FRMD5: variants seen among roughly 807,000 people sequenced by gnomAD.
FRMD5 encodes FERM domain-containing protein 5.
In FRMD5, 20 loss-of-function variants were observed where a neutral mutation model predicts 69.0. That is an observed-to-expected ratio of 0.29 (90% confidence interval 0.20 to 0.42). FRMD5 has a LOEUF of 0.42. Among genes scored for constraint, FRMD5 ranks in the 10% least tolerant of loss-of-function variants. The pLI is 1.00. For synonymous variants in FRMD5, 271 were observed against 260.1 expected (o/e 1.04, Z -0.40); for missense variants, 595 against 708.6 (o/e 0.84, Z 1.82).
At chr15:44,017,955 A>AT (rs1893376200) in intron 1 of FRMD5, among the ~76,000 whole-genome samples, 1 of 152,084 alleles carries the variant, frequency 6.6e-6, no homozygotes, top group Non-Finnish European at 1.5e-5. Context: ...ACAAGAGCTA[A>AT]TTTTTTATAT....
rs2088151168 is a variant in FRMD5, at chr15:43,871,176, G to A, written c.*2709C>T. The A allele has an allele frequency of 1.3e-5, 2 of 152,132 alleles. No individual in the cohort carries two copies. Among genetic ancestry groups the A allele is most frequent in the African/African-American group, 4.8e-5 (2 of 41,422 alleles). 9.4% of individuals were successfully genotyped at this position (152,132 alleles called of 1,614,324 possible). ...AAAAGACTAGTCACCAATCAAAGGA[G>A]GTTTATTATTCAAGCACTATTTGAA... is the stretch of plus-strand genomic sequence containing the variant. On this transcript the variant is annotated 3_prime_UTR_variant, in exon 14 of 14. Transcript: ENST00000417257.
At chr15:43,943,687 C>T (rs775866572) in intron 1 of FRMD5, among the ~76,000 whole-genome samples, 26 of 152,206 alleles carry the variant, frequency 1.7e-4, no homozygotes, top group Non-Finnish European at 2.8e-4. Context: ...GATGTAGTAA[C>T]AAGCAAGGAA....
intron 1 of FRMD5, among the ~76,000 whole-genome samples, chr15:43,970,095 C>T (rs942668269): frequency 7.2e-5 from 11 of 152,186 alleles, no homozygotes; most frequent in Non-Finnish European, 1.6e-4. Context: ...TTTTCTTCAA[C>T]TACTATATTG....
intron 9 of FRMD5, 112 bp downstream of exon 9, chr15:43,888,697 G>T: frequency 1.2e-6 from 1 of 859,744 alleles, no homozygotes. Flanking sequence ...CTTGGTCTTG[G>T]CTTAGTATGT....
chr15:44,095,680 G>A (rs1017831445), intron 1 of FRMD5, among the ~76,000 whole-genome samples: 1 of 152,054 alleles, frequency 6.6e-6, no homozygotes, highest in Admixed American at 6.6e-5. Flanking sequence ...TGTACCCCCT[G>A]CAGCAGGATT....
At chr15:44,196,670 G>A (rs558257107), upstream of FRMD5, among the ~76,000 whole-genome samples, 2 of 144,012 alleles carry the variant, frequency 1.4e-5, no homozygotes, top group African/African-American at 5.1e-5. Flanking sequence ...AGTGTCTTTG[G>A]ATTCCAATAT....
Position 43,873,670 on chromosome 15 carries a change from C to A in FRMD5, c.*215G>T, listed in dbSNP as rs1317222703. On this transcript the variant is annotated 3_prime_UTR_variant, in exon 14 of 14. Transcript: ENST00000417257. Reference sequence around the variant, plus strand: ...CGCTGAGCCTTTCTTGAAATAACTTCTGAAGAAAATGAGTTTTCCCAGTTT... The same window carrying A: ...CGCTGAGCCTTTCTTGAAATAACTTATGAAGAAAATGAGTTTTCCCAGTTT... The A allele has an allele frequency of 1.8e-5, 27 of 1,474,028 alleles. No homozygotes were observed. The highest frequency in any genetic ancestry group is 5.3e-5 in the East Asian group (2 of 37,914). The allele number at this position is 1,474,028 out of a possible 1,614,324, so 91.3% of individuals were successfully genotyped here. A position where few individuals can be genotyped will look rare whatever the true frequency, so the allele number is the denominator to read the frequency against.
chr15:43,972,505 G>A (rs1311608013), intron 1 of FRMD5, among the ~76,000 whole-genome samples: 3 of 152,118 alleles, frequency 2.0e-5, no homozygotes, highest in African/African-American at 7.2e-5. Context: ...TCTATATCTA[G>A]TAGATCTGGG....
intron 1 of FRMD5, among the ~76,000 whole-genome samples, chr15:44,039,090 G>A (rs1184758354): frequency 6.6e-6 from 1 of 152,186 alleles, no homozygotes; most frequent in Non-Finnish European, 1.5e-5. Flanking sequence ...ACTGGGCGGA[G>A]CCCACCACAG....
At chr15:43,982,434 GT>G (rs947173323) in intron 1 of FRMD5, among the ~76,000 whole-genome samples, 2 of 151,942 alleles carry the variant, frequency 1.3e-5, no homozygotes, top group Non-Finnish European at 1.5e-5. Context: ...GGCAGCTGGT[GT>G]TTTTTTTCAC....
intron 1 of FRMD5, among the ~76,000 whole-genome samples, chr15:44,039,411 C>T (rs1892085993): frequency 6.6e-6 from 1 of 152,180 alleles, no homozygotes; most frequent in African/African-American, 2.4e-5. Flanking sequence ...ACAGACATCT[C>T]ATATAGGAGA....
chr15:44,060,315 T>C (rs1423922851), intron 1 of FRMD5, among the ~76,000 whole-genome samples: 2 of 152,108 alleles, frequency 1.3e-5, no homozygotes, highest in East Asian at 1.9e-4. Context: ...GTATCCACAC[T>C]AGGTGGATAC....
At chr15:44,120,689 A>AT (rs5812266) in intron 1 of FRMD5, among the ~76,000 whole-genome samples, 11,543 of 148,204 alleles carry the variant, frequency 0.078, 1,280 homozygotes, top group African/African-American at 0.24. Context: ...CGCCCAGCTA[A>AT]TTTTTTTTTT....
At chr15:44,090,394 T>C (rs931205560) in intron 1 of FRMD5, among the ~76,000 whole-genome samples, 1 of 151,740 alleles carries the variant, frequency 6.6e-6, no homozygotes, top group African/African-American at 2.4e-5. Context: ...AAATTAAAGA[T>C]AAAATGTTAT....
chr15:43,873,352 C>A lies in FRMD5; in HGVS notation c.*533G>T, dbSNP rs1045361152. 21 of 1,472,428 alleles carry A rather than the reference C, an allele frequency of 1.4e-5. No homozygotes were observed. Among genetic ancestry groups the A allele is most frequent in the Non-Finnish European group, 1.8e-5 (20 of 1,118,352 alleles). The allele number at this position is 1,472,428 out of a possible 1,614,324, so 91.2% of individuals were successfully genotyped here. A position where few individuals can be genotyped will look rare whatever the true frequency, so the allele number is the denominator to read the frequency against. On this transcript the variant is annotated 3_prime_UTR_variant, in exon 14 of 14. Coordinates refer to ENST00000417257, the MANE Select transcript of FRMD5 (RefSeq NM_032892.5). Reference sequence around the variant, plus strand: ...AGTTCTGGCTGGCAAAAAAAACAAACAAAAAACTAAACAGTCCCCATTGTC... The same window carrying A: ...AGTTCTGGCTGGCAAAAAAAACAAAAAAAAAACTAAACAGTCCCCATTGTC...
At chr15:44,184,313 A>G (rs1208590032) in intron 1 of FRMD5, among the ~76,000 whole-genome samples, 1 of 152,238 alleles carries the variant, frequency 6.6e-6, no homozygotes, top group East Asian at 1.9e-4. Flanking sequence ...AAAAAAGTTA[A>G]TAGAAAACTC....
chr15:44,094,222 G>C (rs745611372), intron 1 of FRMD5, among the ~76,000 whole-genome samples: 4 of 152,126 alleles, frequency 2.6e-5, no homozygotes, highest in Non-Finnish European at 2.9e-5. Flanking sequence ...GTAGACTGTG[G>C]AACAAAGAAA....
intron 1 of FRMD5, among the ~76,000 whole-genome samples, chr15:44,166,302 T>C (rs1291260114): frequency 6.6e-6 from 1 of 152,148 alleles, no homozygotes; most frequent in African/African-American, 2.4e-5. Context: ...ATGATGATGA[T>C]GGTGGTGGTG....
Position 44,123,377 on chromosome 15 carries a change from G to A in FRMD5, c.102+71576C>T, listed in dbSNP as rs561943259. Among the ~76,000 whole-genome samples the A allele has an allele frequency of 2.0e-5, 3 of 151,270 alleles. No homozygotes were observed. In the South Asian group the frequency reaches 6.3e-4, roughly 32 times the overall value. ...AAAAGTGATATGGCATAGGGTTAAA[G>A]AAAAGTGACCCTCAAGGAATATGAT... On this transcript the variant is annotated intron_variant, in intron 1 of 13. Coordinates refer to ENST00000417257, the MANE Select transcript of FRMD5 (RefSeq NM_032892.5).
Sources: gnomAD v4.1 joint callset for allele counts (sites outside exome capture counted in the v4.1 genomes callset) on GRCh38, gnomAD v4.1.1 for gene constraint, MANE v1.5 for transcripts, NCBI Gene and HGNC (gene_info 2026-07-23, HGNC 2026-07-21) for gene names.